TPRG1: variants seen among roughly 807,000 people sequenced by gnomAD.
The protein encoded by TPRG1 is tumor protein p63-regulated gene 1 protein.
TPRG1 carries 29 observed loss-of-function variants against 29.3 expected under a neutral mutation model. The ratio of observed to expected loss-of-function variants is 0.99; its 90% CI spans 0.74 to 1.35. The LOEUF (loss-of-function observed/expected upper bound fraction) is 1.35. Among genes scored for constraint, TPRG1 ranks in the 40% most tolerant of loss-of-function variants. TPRG1 has a pLI of 0.00. For synonymous variants in TPRG1, 130 were observed against 116.8 expected (o/e 1.11, Z -0.73); for missense variants, 327 against 335.0 (o/e 0.98, Z 0.19).
intron 4 of TPRG1, among the ~76,000 whole-genome samples, chr3:189,291,600 T>C (rs1719012189): frequency 6.6e-6 from 1 of 152,224 alleles, no homozygotes; most frequent in African/African-American, 2.4e-5. Flanking sequence ...GTTTTCACAC[T>C]AATTTTTGAT....
chr3:189,144,860 T>C (rs181792991), intron 3 of TPRG1, among the ~76,000 whole-genome samples: 132 of 152,336 alleles, frequency 8.7e-4, no homozygotes, highest in Non-Finnish European at 9.3e-4. Flanking sequence ...TCTTGTGACG[T>C]GATTGCACAT....
At chr3:189,024,941 G>A (rs1278631732) in intron 4 of TPRG1, among the ~76,000 whole-genome samples, 2 of 152,184 alleles carry the variant, frequency 1.3e-5, no homozygotes, top group African/African-American at 4.8e-5. Context: ...CAGGCATTAC[G>A]CTGCTGCCAG....
intron 4 of TPRG1, among the ~76,000 whole-genome samples, chr3:189,055,618 T>A (rs1267136689): frequency 6.6e-6 from 1 of 152,252 alleles, no homozygotes; most frequent in Non-Finnish European, 1.5e-5. Flanking sequence ...ATATGTAACA[T>A]ATCAGACACT....
chr3:189,257,330 G>A (rs952480376), intron 4 of TPRG1, among the ~76,000 whole-genome samples: 1 of 152,122 alleles, frequency 6.6e-6, no homozygotes, highest in Admixed American at 6.5e-5. Context: ...TTGAATGTTG[G>A]TCCCCACTCT....
chr3:189,040,896 G>C (rs1714591061), intron 4 of TPRG1, among the ~76,000 whole-genome samples: 1 of 152,150 alleles, frequency 6.6e-6, no homozygotes, highest in Non-Finnish European at 1.5e-5. Flanking sequence ...ATCTCTGCCT[G>C]GGCTTTGGCA....
intron 5 of TPRG1, among the ~76,000 whole-genome samples, chr3:189,160,993 G>A (rs1229805295): frequency 6.6e-6 from 1 of 152,136 alleles, no homozygotes; most frequent in South Asian, 2.1e-4. Context: ...TTGGATTTTT[G>A]GCTTTGCCCT....
intron 4 of TPRG1, among the ~76,000 whole-genome samples, chr3:189,241,207 C>T (rs1740523804): frequency 6.6e-6 from 1 of 152,164 alleles, no homozygotes; most frequent in Non-Finnish European, 1.5e-5. Flanking sequence ...CCAATTAATA[C>T]TTTCACAAAG....
intron 4 of TPRG1, among the ~76,000 whole-genome samples, chr3:189,026,757 T>A (rs1487786441): frequency 1.3e-5 from 2 of 151,664 alleles, no homozygotes; most frequent in African/African-American, 4.9e-5. Flanking sequence ...CACTAATGAG[T>A]TTTGAGCTGA....
intron 4 of TPRG1, among the ~76,000 whole-genome samples, chr3:189,288,570 C>G (rs372085222): frequency 6.6e-6 from 1 of 152,234 alleles, no homozygotes; most frequent in African/African-American, 2.4e-5. Flanking sequence ...CATTCTATCT[C>G]TTCTTAACTC....
intron 3 of TPRG1, among the ~76,000 whole-genome samples, chr3:189,222,650 T>C (rs1737116880): frequency 6.6e-6 from 1 of 152,220 alleles, no homozygotes; most frequent in Non-Finnish European, 1.5e-5. Flanking sequence ...ATTTGAGAAG[T>C]ATACTGGTCC....
At chr3:189,010,225 T>C (rs1712525628) in intron 3 of TPRG1, among the ~76,000 whole-genome samples, 1 of 152,190 alleles carries the variant, frequency 6.6e-6, no homozygotes, top group African/African-American at 2.4e-5. Context: ...TCCATGTCTT[T>C]GCTGTTGTGA....
chr3:189,254,559 AAGTCAATGGT>A (rs1328906855), intron 4 of TPRG1, among the ~76,000 whole-genome samples: 3 of 152,232 alleles, frequency 2.0e-5, no homozygotes, highest in Non-Finnish European at 4.4e-5. Context: ...TCTCTGAAGA[AAGTCAATGGT>A]AGCTTGATGA....
At chr3:189,128,863 G>C (rs1036380500) in intron 2 of TPRG1, among the ~76,000 whole-genome samples, 10 of 152,094 alleles carry the variant, frequency 6.6e-5, no homozygotes, top group African/African-American at 2.4e-4. Context: ...TCCACCTCCC[G>C]GGTTCAAGCG....
At chr3:189,213,474 C>T (rs1258805484) in intron 2 of TPRG1, among the ~76,000 whole-genome samples, 1 of 152,124 alleles carries the variant, frequency 6.6e-6, no homozygotes, top group South Asian at 2.1e-4. Context: ...CTTCTGTGTT[C>T]TATAAGGGCT....
chr3:189,238,438 G>A (rs1739898978), intron 3 of TPRG1, among the ~76,000 whole-genome samples: 1 of 152,182 alleles, frequency 6.6e-6, no homozygotes, highest in Non-Finnish European at 1.5e-5. Context: ...TGAGTCAGTT[G>A]ACTGCTAACA....
At chr3:189,020,471 C>A (rs938408185) in intron 3 of TPRG1, among the ~76,000 whole-genome samples, 1 of 150,198 alleles carries the variant, frequency 6.7e-6, no homozygotes, top group Admixed American at 6.6e-5. Context: ...TTTATTTCTG[C>A]CTTCATTTCG....
At chr3:189,224,924 CCTTTTTCTTTTTT>C (rs1424726069) in intron 3 of TPRG1, among the ~76,000 whole-genome samples, 1 of 146,554 alleles carries the variant, frequency 6.8e-6, no homozygotes, top group African/African-American at 2.5e-5. Flanking sequence ...GGTGTCTCTT[CCTTTTTCTTTTTT>C]TTTTTTTTTT....
chr3:189,010,103 G>A (rs1407891803), intron 3 of TPRG1, among the ~76,000 whole-genome samples: 5 of 152,066 alleles, frequency 3.3e-5, no homozygotes, highest in Non-Finnish European at 7.4e-5. Flanking sequence ...CTCCATCCAT[G>A]TCCCTGCAAA....
intron 1 of TPRG1, among the ~76,000 whole-genome samples, chr3:189,195,966 CTGTCTT>C (rs1374853005): frequency 6.6e-6 from 1 of 152,162 alleles, no homozygotes; most frequent in African/African-American, 2.4e-5. Context: ...ATTGTTCTGA[CTGTCTT>C]TGTAAAGAGT....
Sources: gnomAD v4.1 joint callset for allele counts (sites outside exome capture counted in the v4.1 genomes callset) on GRCh38, gnomAD v4.1.1 for gene constraint, MANE v1.5 for transcripts, NCBI Gene and HGNC (gene_info 2026-07-23, HGNC 2026-07-21) for gene names.